Variants in CRISPLD2 observed in about 807,000 individuals in gnomAD.
The protein encoded by CRISPLD2 is cysteine rich secretory protein LCCL domain containing 2.
In CRISPLD2, 47 loss-of-function variants were observed where a neutral mutation model predicts 71.1. The observed-to-expected ratio is 0.66, with a 90% CI of 0.52 to 0.84. CRISPLD2 has a LOEUF of 0.84. Ranked by LOEUF, CRISPLD2 falls within the 40% of genes least tolerant of loss-of-function variation. CRISPLD2 has a pLI of 0.00. For synonymous variants in CRISPLD2, 317 were observed against 250.1 expected (o/e 1.27, Z -2.52); for missense variants, 830 against 651.1 (o/e 1.27, Z -2.99).
intron 11 of CRISPLD2, among the ~76,000 whole-genome samples, chr16:84,876,751 C>A (rs150002818): frequency 6.6e-6 from 1 of 152,164 alleles, no homozygotes; most frequent in Non-Finnish European, 1.5e-5. Context: ...AAGATCGTGC[C>A]GTTTCACTCC....
At chr16:84,832,155 G>A (rs1377953714) in intron 1 of CRISPLD2, among the ~76,000 whole-genome samples, 3 of 152,248 alleles carry the variant, frequency 2.0e-5, no homozygotes, top group African/African-American at 7.2e-5. Context: ...CCCTTCAAAC[G>A]ATGCATTTTT....
At chr16:84,843,171 G>A (rs191253659) in intron 2 of CRISPLD2, among the ~76,000 whole-genome samples, 2 of 152,276 alleles carry the variant, frequency 1.3e-5, no homozygotes, top group East Asian at 3.9e-4. Flanking sequence ...TGCTGGGGAG[G>A]CTGAGCCTTC....
In CRISPLD2 at chr16:84,885,630, A is replaced by G. The variant is rs138504764; in HGVS notation, c.1306-3600A>G. Among the ~76,000 whole-genome samples the G allele has an allele frequency of 2.0e-4, 31 of 152,294 alleles. No individual in the cohort carries two copies. The East Asian group carries it at 5.8e-3, about 28-fold the overall frequency. On this transcript the variant is annotated intron_variant, in intron 13 of 14. Coordinates refer to ENST00000262424, the MANE Select transcript of CRISPLD2 (RefSeq NM_031476.4). ...AGTTTATTTATTGAAGAAGATGAAG[A>G]CATGTTAGCACAGAGTTTTTAGAAA... is the stretch of plus-strand genomic sequence containing the variant.
intron 1 of CRISPLD2, among the ~76,000 whole-genome samples, chr16:84,824,560 G>T (rs560553879): frequency 6.6e-6 from 1 of 152,150 alleles, no homozygotes; most frequent in Admixed American, 6.5e-5. Flanking sequence ...AGGTGGAATT[G>T]TCCCTATCAC....
At position 84,904,617 on chromosome 16, in the gene CRISPLD2, AT is replaced by A. The variant is rs542084355; in HGVS notation, c.1440-1969del. Among the ~76,000 whole-genome samples, 34 of 151,344 alleles carry A rather than the reference AT, an allele frequency of 2.2e-4. 1 individual carries two copies. The South Asian group carries it at 6.9e-3, about 31-fold the overall frequency. On this transcript the variant is annotated intron_variant, in intron 14 of 14. Coordinates refer to ENST00000262424, the MANE Select transcript of CRISPLD2 (RefSeq NM_031476.4). ...GTAAAAAAAAAAATTTAAAAAAAAAATTAAAAAAAAAAATGATTGGAAGTCC... is the reference window on the plus strand; with the variant it reads ...GTAAAAAAAAAAATTTAAAAAAAAAATAAAAAAAAAAATGATTGGAAGTCC...
intron 14 of CRISPLD2, 137 bp downstream of exon 14, chr16:84,889,500 C>T: frequency 1.2e-6 from 1 of 812,916 alleles, no homozygotes; most frequent in Admixed American, 3.5e-5. Flanking sequence ...ACCAGGACTC[C>T]CAGGTAAGAG....
At chr16:84,866,380 C>T (rs1285243569) in intron 6 of CRISPLD2, among the ~76,000 whole-genome samples, 2 of 152,092 alleles carry the variant, frequency 1.3e-5, no homozygotes, top group African/African-American at 2.4e-5. Context: ...GGATGACAGG[C>T]GTCCGCCACC....
intron 2 of CRISPLD2, chr16:84,839,153 C>T: frequency 2.8e-6 from 1 of 359,342 alleles, no homozygotes; most frequent in South Asian, 2.1e-5. Context: ...TCTCAAAGTG[C>T]TAGGATTATA....
At chr16:84,901,720 C>T (rs2071755897) in intron 14 of CRISPLD2, among the ~76,000 whole-genome samples, 2 of 150,022 alleles carry the variant, frequency 1.3e-5, no homozygotes, top group South Asian at 4.2e-4. Context: ...TCAAGTGATC[C>T]ACCTGCCTCA....
chr16:84,859,978 C>T (rs1298573267), intron 6 of CRISPLD2, among the ~76,000 whole-genome samples: 1 of 152,200 alleles, frequency 6.6e-6, no homozygotes, highest in East Asian at 1.9e-4. Flanking sequence ...CTTTACAAAT[C>T]TATTTCACAA....
intron 12 of CRISPLD2, 44 bp from the exon 13 acceptor site, chr16:84,880,465 T>C (rs770427688): frequency 1.3e-6 from 2 of 1,498,750 alleles, no homozygotes; most frequent in Non-Finnish European, 1.8e-6. Context: ...GAAGTTTGGT[T>C]TTCTGTGCTC....
chr16:84,876,979 G>C (rs543377479), intron 11 of CRISPLD2, among the ~76,000 whole-genome samples: 1 of 152,274 alleles, frequency 6.6e-6, no homozygotes, highest in South Asian at 2.1e-4. Context: ...TTAGCGGCAG[G>C]AGGTAGGTGG....
chr16:84,886,333 G>C (rs938951224), intron 13 of CRISPLD2, among the ~76,000 whole-genome samples: 3 of 152,222 alleles, frequency 2.0e-5, no homozygotes. Flanking sequence ...TGAGACACAG[G>C]CTCTCTTTGG....
intron 9 of CRISPLD2, 42 bp downstream of exon 9, chr16:84,872,550 C>G (rs759308168): frequency 1.3e-6 from 2 of 1,523,728 alleles, no homozygotes; most frequent in African/African-American, 2.8e-5. Context: ...TGTGTGGGAT[C>G]CTGTTGCATA....
chr16:84,869,376 C>A (rs564840951), intron 8 of CRISPLD2, among the ~76,000 whole-genome samples: 1 of 152,314 alleles, frequency 6.6e-6, no homozygotes, highest in South Asian at 2.1e-4. Flanking sequence ...GGAGAGGGGA[C>A]CTTGCTCGTC....
At chr16:84,856,761 A>G (rs536973190) in intron 6 of CRISPLD2, among the ~76,000 whole-genome samples, 7 of 152,212 alleles carry the variant, frequency 4.6e-5, no homozygotes, top group East Asian at 1.9e-4. Flanking sequence ...CCACTGTTCT[A>G]TCAATCCAGC....
At chr16:84,854,086 G>T (rs891789895) in intron 5 of CRISPLD2, among the ~76,000 whole-genome samples, 1 of 152,228 alleles carries the variant, frequency 6.6e-6, no homozygotes, top group Admixed American at 6.5e-5. Flanking sequence ...CCAGCCCCTA[G>T]AGTAGAGTGT....
chr16:84,825,481 C>A (rs1393269184), intron 1 of CRISPLD2, among the ~76,000 whole-genome samples: 1 of 152,100 alleles, frequency 6.6e-6, no homozygotes, highest in Admixed American at 6.5e-5. Context: ...AAAGGCCCAG[C>A]GCAGTGGCGT....
chr16:84,822,094 G>T lies in CRISPLD2; in HGVS notation c.-75+1961G>T, dbSNP rs543508228. On this transcript the variant is annotated intron_variant, in intron 1 of 14. Transcript: ENST00000262424. ...TGTGGGAGTTTTTTTAACGTTGGCAGGGATCTGGGTCCCTGGTCCCTGTTG... is the reference window on the plus strand; with the variant it reads ...TGTGGGAGTTTTTTTAACGTTGGCATGGATCTGGGTCCCTGGTCCCTGTTG... Among the ~76,000 whole-genome samples the T allele has an allele frequency of 3.9e-5, 6 of 152,310 alleles. No homozygotes were observed. In the East Asian group the frequency reaches 1.2e-3, roughly 29 times the overall value.
Sources: allele counts gnomAD v4.1 joint callset (sites outside exome capture counted in the v4.1 genomes callset), GRCh38; gene constraint gnomAD v4.1.1; transcripts MANE v1.5; gene names NCBI Gene and HGNC (gene_info 2026-07-23, HGNC 2026-07-21).